The following TEX10 variants were observed in gnomAD, a reference collection of about 807,000 sequenced individuals.
The protein encoded by TEX10 is testis expressed 10.
A neutral mutation model predicts 104.4 loss-of-function variants in TEX10; 24 were observed. The observed-to-expected ratio is 0.23, with a 90% CI of 0.17 to 0.32. The LOEUF is 0.32. TEX10 is among the 10% of genes least tolerant of loss of function. The pLI, the probability that TEX10 is intolerant of heterozygous loss-of-function variation, is 1.00. For synonymous variants in TEX10, 396 were observed against 393.4 expected (o/e 1.01, Z -0.08); for missense variants, 921 against 1,083.9 (o/e 0.85, Z 2.11).
At chr9:100,316,887 T>C (rs1203006499) in intron 11 of TEX10, among the ~76,000 whole-genome samples, 3 of 45,826 alleles carry the variant, frequency 6.5e-5, no homozygotes. Context: ...ATCCCACTTA[T>C]AATAGCTAAA....
At chr9:100,335,799 C>A (rs535215564) in intron 5 of TEX10, among the ~76,000 whole-genome samples, 1 of 151,780 alleles carries the variant, frequency 6.6e-6, no homozygotes, top group Non-Finnish European at 1.5e-5. Context: ...TGCCACTGAA[C>A]TGTACACTTA....
At chr9:100,309,107 A>G (rs1291964144) in intron 12 of TEX10, among the ~76,000 whole-genome samples, 1 of 152,228 alleles carries the variant, frequency 6.6e-6, no homozygotes, top group African/African-American at 2.4e-5. Context: ...AGGTAATTAA[A>G]TGTATAAATA....
intron 14 of TEX10, among the ~76,000 whole-genome samples, chr9:100,302,522 CTTG>C (rs1284525279): frequency 6.6e-6 from 1 of 152,166 alleles, no homozygotes; most frequent in African/African-American, 2.4e-5. Flanking sequence ...CTAATGGTTT[CTTG>C]TTAAGTCTGT....
At chr9:100,340,829 C>G (rs1835153874) in intron 4 of TEX10, among the ~76,000 whole-genome samples, 1 of 152,198 alleles carries the variant, frequency 6.6e-6, no homozygotes, top group South Asian at 2.1e-4. Context: ...TATGGAAACA[C>G]TGTCTTTCTA....
chr9:100,306,256 T>C (rs41274957), intron 13 of TEX10: 4 of 152,212 alleles, frequency 2.6e-5, no homozygotes, highest in Non-Finnish European at 4.4e-5. Context: ...TGGGGGAAGA[T>C]GGTTAAAAAT....
At chr9:100,315,110 G>A (rs1256234425) in intron 11 of TEX10, among the ~76,000 whole-genome samples, 3 of 152,166 alleles carry the variant, frequency 2.0e-5, no homozygotes, top group African/African-American at 7.2e-5. Context: ...ACTGTGGTCT[G>A]AGGAGATATA....
At chr9:100,315,925 T>C (rs1834405908) in intron 11 of TEX10, among the ~76,000 whole-genome samples, 1 of 152,256 alleles carries the variant, frequency 6.6e-6, no homozygotes, top group African/African-American at 2.4e-5. Flanking sequence ...CTAGGCCTTC[T>C]GTATCTGGAC....
chr9:100,310,261 G>C, intron 12 of TEX10, 38 bp downstream of exon 12: 1 of 1,544,500 alleles, frequency 6.5e-7, no homozygotes, highest in Non-Finnish European at 8.9e-7. Context: ...AATGCATCCT[G>C]TGTTCATTCT....
chr9:100,321,825 G>T lies in TEX10; in HGVS notation c.1980-54C>A, dbSNP rs1387273732. 9 of 1,323,732 alleles carry T rather than the reference G, an allele frequency of 6.8e-6. No homozygotes were observed. In the East Asian group the frequency reaches 1.4e-4, roughly 20 times the overall value. 82.0% of individuals were successfully genotyped at this position (1,323,732 alleles called of 1,614,324 possible). On this transcript the variant is annotated intron_variant, in intron 9 of 14. Coordinates refer to ENST00000374902, the MANE Select transcript of TEX10 (RefSeq NM_017746.4). ...CAGAAGTGACCAACTTGACAGACTT[G>T]TCAAAGGTAGCACAGTATATAACCA...
At chr9:100,337,652 A>G (rs1407285449) in intron 5 of TEX10, among the ~76,000 whole-genome samples, 1 of 152,240 alleles carries the variant, frequency 6.6e-6, no homozygotes, top group Non-Finnish European at 1.5e-5. Context: ...CTGAAAGATG[A>G]ACTCCTGAGT....
chr9:100,332,618 G>T (rs371107585), intron 5 of TEX10, among the ~76,000 whole-genome samples: 1 of 152,002 alleles, frequency 6.6e-6, no homozygotes, highest in African/African-American at 2.4e-5. Context: ...TCAGGAGATC[G>T]AGACCATCAT....
chr9:100,310,194 T>C (rs1240463562), intron 12 of TEX10, 105 bp downstream of exon 12: 1 of 897,496 alleles, frequency 1.1e-6, no homozygotes, highest in African/African-American at 1.7e-5. Flanking sequence ...ATGATATCAT[T>C]AATCTTAGAA....
rs140450485 is a variant in TEX10, at chr9:100,344,859, A to G, written c.1137+1213T>C. Among the ~76,000 whole-genome samples the G allele has an allele frequency of 2.8e-4, 43 of 152,316 alleles. No homozygotes were observed. The East Asian group carries it at 6.2e-3, about 22-fold the overall frequency. Reference sequence around the variant, plus strand: ...GAAACTATGTCTCAAAAATAAAAAGAAAAGAAAAAACTAGCACTCAAAGTC... The same window carrying G: ...GAAACTATGTCTCAAAAATAAAAAGGAAAGAAAAAACTAGCACTCAAAGTC... On this transcript the variant is annotated intron_variant, in intron 4 of 14. Coordinates refer to ENST00000374902, the MANE Select transcript of TEX10 (RefSeq NM_017746.4).
At chr9:100,352,148 CAG>C (rs898545216) in intron 1 of TEX10, among the ~76,000 whole-genome samples, 13 of 152,196 alleles carry the variant, frequency 8.5e-5, no homozygotes, top group Non-Finnish European at 1.3e-4. Flanking sequence ...CAAAAAAAAT[CAG>C]AGAGAACGAT....
chr9:100,328,610 A>T (rs372696930), intron 7 of TEX10, among the ~76,000 whole-genome samples: 9 of 152,220 alleles, frequency 5.9e-5, no homozygotes, highest in African/African-American at 2.2e-4. Context: ...ACGTTACAAC[A>T]ACTACCTATA....
At position 100,346,938 on chromosome 9, in the gene TEX10, T is replaced by G. The variant is rs1248762098; in HGVS notation, c.649A>C (p.Arg217=). The change falls in exon 3 of 15, where the codon AGA becomes CGA. Residue 217 remains arginine (R), a synonymous_variant. Coordinates refer to ENST00000374902, the MANE Select transcript of TEX10 (RefSeq NM_017746.4). ...AGCCTCCATTGCTGAGAAGTGAGTC[T>G]CCGATTAGGATTTACAGAAAGTATC... ...SWILSVNPNR[R]LTSQQWRLKV... The G allele has an allele frequency of 1.9e-6, 3 of 1,614,076 alleles. No homozygotes were observed. Among genetic ancestry groups the G allele is most frequent in the East Asian group, 2.2e-5 (1 of 44,898 alleles).
At chr9:100,343,634 TTTC>T (rs1835227422) in intron 4 of TEX10, among the ~76,000 whole-genome samples, 1 of 150,620 alleles carries the variant, frequency 6.6e-6, no homozygotes, top group East Asian at 1.9e-4. Context: ...ACAAGTGAAA[TTTC>T]TTGACTTTTT....
intron 13 of TEX10, chr9:100,306,024 T>C (rs1414691892): frequency 1.3e-5 from 2 of 151,948 alleles, no homozygotes; most frequent in African/African-American, 4.8e-5. Context: ...TAACAAGAAC[T>C]TTAAAGAAAC....
At chr9:100,330,555 A>G (rs537468599) in intron 5 of TEX10, among the ~76,000 whole-genome samples, 1 of 152,310 alleles carries the variant, frequency 6.6e-6, no homozygotes, top group African/African-American at 2.4e-5. Flanking sequence ...CTTTTAACTA[A>G]TCATCTGACT....
Sources: gnomAD v4.1 joint callset for allele counts (sites outside exome capture counted in the v4.1 genomes callset) on GRCh38, gnomAD v4.1.1 for gene constraint, MANE v1.5 for transcripts, NCBI Gene and HGNC (gene_info 2026-07-23, HGNC 2026-07-21) for gene names.